The following PTPRG variants were observed in gnomAD, a reference collection of about 807,000 sequenced individuals.
The protein encoded by PTPRG is receptor-type tyrosine-protein phosphatase gamma.
In PTPRG, 102 loss-of-function variants were observed where a neutral mutation model predicts 165.3. The observed-to-expected ratio is 0.62, with a 90% CI of 0.53 to 0.73. PTPRG has a LOEUF of 0.73. PTPRG is among the 30% of genes least tolerant of loss of function. PTPRG has a pLI of 0.00. For missense variants in PTPRG, 1,866 were observed against 1,861.4 expected (o/e 1.00, Z -0.05); for synonymous variants, 675 against 669.5 (o/e 1.01, Z -0.13).
chr3:61,940,177 C>T (rs935935233), intron 2 of PTPRG, among the ~76,000 whole-genome samples: 6 of 152,000 alleles, frequency 3.9e-5, no homozygotes, highest in Non-Finnish European at 5.9e-5. Context: ...GAATTCCTGA[C>T]GTCAGGTGAT....
intron 7 of PTPRG, among the ~76,000 whole-genome samples, chr3:62,161,962 C>T (rs1416166555): frequency 6.6e-6 from 1 of 152,186 alleles, no homozygotes; most frequent in Non-Finnish European, 1.5e-5. Flanking sequence ...GGGTTCCTTG[C>T]TGTGCTAATA....
intron 2 of PTPRG, among the ~76,000 whole-genome samples, chr3:61,945,203 A>G (rs113015813): frequency 6.6e-6 from 1 of 152,140 alleles, no homozygotes; most frequent in Non-Finnish European, 1.5e-5. Flanking sequence ...TTCCTAATCT[A>G]GTAGGAAATT....
intron 4 of PTPRG, among the ~76,000 whole-genome samples, chr3:62,068,500 G>C (rs1217372740): frequency 6.6e-6 from 1 of 152,166 alleles, no homozygotes; most frequent in Non-Finnish European, 1.5e-5. Flanking sequence ...AATTGAAGCA[G>C]AGTCTCACTG....
chr3:62,015,389 A>G (rs944541770), intron 4 of PTPRG, among the ~76,000 whole-genome samples: 1 of 152,238 alleles, frequency 6.6e-6, no homozygotes, highest in South Asian at 2.1e-4. Context: ...CTTGGAGACC[A>G]TGGGAAGCTC....
intron 4 of PTPRG, among the ~76,000 whole-genome samples, chr3:62,005,174 T>A (rs2041266202): frequency 6.6e-6 from 1 of 152,184 alleles, no homozygotes; most frequent in Non-Finnish European, 1.5e-5. Context: ...TCAGAATTCT[T>A]CCTGCATTAG....
chr3:61,820,732 T>C (rs1455648163), intron 2 of PTPRG, among the ~76,000 whole-genome samples: 1 of 151,312 alleles, frequency 6.6e-6, no homozygotes, highest in Non-Finnish European at 1.5e-5. Flanking sequence ...GGCGCCTGGC[T>C]GCTGGGGATT....
chr3:61,970,239 A>G lies in PTPRG; in HGVS notation c.191-19386A>G, dbSNP rs758688976. ...TGGCATTGAGAAACTCATGAGGAGAAGGAAAGAAGGCCTTTAATTTTTTTG... is the reference window on the plus strand; with the variant it reads ...TGGCATTGAGAAACTCATGAGGAGAGGGAAAGAAGGCCTTTAATTTTTTTG... On this transcript the variant is annotated intron_variant, in intron 2 of 29. Coordinates refer to ENST00000474889, the MANE Select transcript of PTPRG (RefSeq NM_002841.4). Among the ~76,000 whole-genome samples the G allele has an allele frequency of 8.8e-4, 134 of 152,202 alleles. 11 individuals carry two copies. Among genetic ancestry groups the G allele is most frequent in the Non-Finnish European group, 1.2e-4 (8 of 68,044 alleles).
chr3:61,878,804 C>G (rs1171834292), intron 2 of PTPRG, among the ~76,000 whole-genome samples: 1 of 152,092 alleles, frequency 6.6e-6, no homozygotes, highest in Non-Finnish European at 1.5e-5. Context: ...GTGCCTGGCC[C>G]CCAGGTGTAT....
At chr3:61,854,500 G>T (rs2037048174) in intron 2 of PTPRG, among the ~76,000 whole-genome samples, 1 of 152,084 alleles carries the variant, frequency 6.6e-6, no homozygotes. Flanking sequence ...GTTCTCCTAA[G>T]GTCTGTGCCT....
intron 2 of PTPRG, among the ~76,000 whole-genome samples, chr3:61,863,632 G>A (rs1024805226): frequency 6.6e-6 from 1 of 152,156 alleles, no homozygotes; most frequent in Non-Finnish European, 1.5e-5. Context: ...CAGATTTTCA[G>A]TGTGGGCCTC....
At chr3:61,611,221 A>G (rs1010054900) in intron 1 of PTPRG, among the ~76,000 whole-genome samples, 1 of 152,202 alleles carries the variant, frequency 6.6e-6, no homozygotes, top group African/African-American at 2.4e-5. Context: ...CTCTGAAGGT[A>G]TCATATACCG....
intron 2 of PTPRG, among the ~76,000 whole-genome samples, chr3:61,823,172 A>G (rs2036006139): frequency 6.6e-6 from 1 of 152,124 alleles, no homozygotes; most frequent in Non-Finnish European, 1.5e-5. Flanking sequence ...ATTGATGATG[A>G]GCCAGTTGCA....
chr3:62,103,955 G>T (rs1702383836), intron 5 of PTPRG, among the ~76,000 whole-genome samples: 1 of 152,194 alleles, frequency 6.6e-6, no homozygotes. Context: ...GCAGAATCCT[G>T]TTGCAATAAA....
intron 2 of PTPRG, among the ~76,000 whole-genome samples, chr3:61,837,201 C>G (rs946563897): frequency 2.0e-5 from 3 of 152,336 alleles, no homozygotes; most frequent in Admixed American, 6.5e-5. Context: ...GTGTGAACCA[C>G]TGGACCTGGT....
intron 5 of PTPRG, among the ~76,000 whole-genome samples, chr3:62,113,575 G>A (rs1258530449): frequency 1.3e-5 from 2 of 152,046 alleles, no homozygotes; most frequent in Non-Finnish European, 2.9e-5. Flanking sequence ...TTTTCGAAAT[G>A]CAGATCACTT....
intron 1 of PTPRG, among the ~76,000 whole-genome samples, chr3:61,654,270 T>C (rs2106997364): frequency 6.6e-6 from 1 of 152,290 alleles, no homozygotes; most frequent in African/African-American, 2.4e-5. Context: ...TTGATGTGCG[T>C]TCTCAAGTCT....
At position 62,254,240 on chromosome 3, in the gene PTPRG, C is replaced by T. The variant is rs1476721216; in HGVS notation, c.2468-884C>T. Reference sequence around the variant, plus strand: ...CTTTCACTCTGAATAAAGTAAATGTCATGTCTGTTGTTTATCTCAAATTCA... The same window carrying T: ...CTTTCACTCTGAATAAAGTAAATGTTATGTCTGTTGTTTATCTCAAATTCA... On this transcript the variant is annotated intron_variant, in intron 15 of 29. Coordinates refer to ENST00000474889, the MANE Select transcript of PTPRG (RefSeq NM_002841.4). The surrounding 1 kb of genome is among the most constrained non-coding windows in gnomAD (Gnocchi z 4.6). Among the ~76,000 whole-genome samples the T allele has an allele frequency of 1.3e-5, 2 of 152,110 alleles. No homozygotes were observed. Among genetic ancestry groups the T allele is most frequent in the Non-Finnish European group, 2.9e-5 (2 of 68,030 alleles).
intron 2 of PTPRG, among the ~76,000 whole-genome samples, chr3:61,978,004 AC>A (rs1209224111): frequency 6.6e-6 from 1 of 152,224 alleles, no homozygotes; most frequent in African/African-American, 2.4e-5. Context: ...GGCACCTGCC[AC>A]CACACTCAAC....
At chr3:62,174,242 C>T (rs367982945) in intron 8 of PTPRG, among the ~76,000 whole-genome samples, 5 of 152,282 alleles carry the variant, frequency 3.3e-5, no homozygotes, top group East Asian at 3.9e-4. Context: ...CAACATGAAA[C>T]ATATGGTTTA....
Sources: allele counts gnomAD v4.1 joint callset (sites outside exome capture counted in the v4.1 genomes callset), GRCh38; gene constraint gnomAD v4.1.1; non-coding constraint Gnocchi (gnomAD v3.1); transcripts MANE v1.5; gene names NCBI Gene and HGNC (gene_info 2026-07-23, HGNC 2026-07-21).